RELL1: variants seen among roughly 807,000 people sequenced by gnomAD.
RELL1 encodes RELT like 1.
A neutral mutation model predicts 23.0 loss-of-function variants in RELL1; 10 were observed. The observed-to-expected ratio is 0.43, with a 90% CI of 0.27 to 0.74. The LOEUF (loss-of-function observed/expected upper bound fraction) is 0.74, where lower values mean the gene tolerates loss of function less well. RELL1 is among the 30% of genes least tolerant of loss of function. The pLI is 0.19. For synonymous variants in RELL1, 146 were observed against 146.8 expected (o/e 0.99, Z 0.04); for missense variants, 315 against 364.4 (o/e 0.86, Z 1.10).
intron 1 of RELL1, among the ~76,000 whole-genome samples, chr4:37,665,990 G>A (rs561246015): frequency 1.3e-5 from 2 of 152,262 alleles, no homozygotes; most frequent in Admixed American, 6.5e-5. Flanking sequence ...CCCAGCACCC[G>A]ACCAGGCAGA....
At chr4:37,606,098 CAAG>C (rs1415694986), downstream of RELL1, among the ~76,000 whole-genome samples, 9 of 115,270 alleles carry the variant, frequency 7.8e-5, no homozygotes, top group East Asian at 2.5e-4. This position sits in a 1 kb window ranked among gnomAD's most constrained non-coding sequence, Gnocchi z 4.1. Context: ...GGATGGAAGG[CAAG>C]AAGAAGGAGG....
chr4:37,631,527 A>AG lies in RELL1; in HGVS notation c.681-5dup, dbSNP rs753875561. ...CTCCACTTTTGTAACTCTAAATCTG[A>AG]GGGGGGAATGGGGAGAGGTGATGGG... On this transcript the variant is annotated splice_polypyrimidine_tract_variant and splice_region_variant and intron_variant, in intron 5 of 6. Transcript: ENST00000454158. 1.2e-6 allele frequency: 2 copies of AG among 1,613,334 alleles called. No individual in the cohort carries two copies. Among genetic ancestry groups the AG allele is most frequent in the Non-Finnish European group, 8.5e-7 (1 of 1,179,736 alleles).
chr4:37,596,731 TATA>T (rs1482203513), intron 6 of RELL1, among the ~76,000 whole-genome samples: 724 of 23,766 alleles, frequency 0.03, 21 homozygotes, highest in Non-Finnish European at 0.05. Context: ...TATATATATA[TATA>T]TATTTTTTTT....
downstream of RELL1, among the ~76,000 whole-genome samples, chr4:37,586,822 A>G (rs1428376198): frequency 6.6e-6 from 1 of 152,210 alleles, no homozygotes; most frequent in African/African-American, 2.4e-5. Flanking sequence ...AGGCAGGAGA[A>G]TCACTTGAAC....
chr4:37,622,006 C>T (rs1719784833), intron 6 of RELL1, among the ~76,000 whole-genome samples: 1 of 152,160 alleles, frequency 6.6e-6, no homozygotes, highest in African/African-American at 2.4e-5. Flanking sequence ...AGATCATGGC[C>T]ATAAATGTAC....
rs1719417845 is a variant in RELL1, at chr4:37,612,273, AT to A, written c.*1072del. ...ATTTGTGTGTGTGTGACTTTCAACC[AT>A]TTTCTCCTTTATTCAATGGATTAAC... On this transcript the variant is annotated 3_prime_UTR_variant, in exon 7 of 7. Coordinates refer to ENST00000454158, the MANE Select transcript of RELL1 (RefSeq NM_001085400.2). Among the ~76,000 whole-genome samples the A allele has an allele frequency of 6.9e-6, 1 of 145,314 alleles. No individual in the cohort carries two copies.
intron 6 of RELL1, among the ~76,000 whole-genome samples, chr4:37,594,863 T>C (rs1718774936): frequency 6.6e-6 from 1 of 152,168 alleles, no homozygotes; most frequent in Admixed American, 6.6e-5. Flanking sequence ...CAAGTGCAAG[T>C]GCAAAGATCT....
chr4:37,606,623 G>T (rs1719229489), downstream of RELL1, among the ~76,000 whole-genome samples: 1 of 152,222 alleles, frequency 6.6e-6, no homozygotes, highest in African/African-American at 2.4e-5. This position sits in a 1 kb window ranked among gnomAD's most constrained non-coding sequence, Gnocchi z 4.1. Flanking sequence ...TCAGAAGCTG[G>T]GAGGGAGGCA....
chr4:37,590,422 T>C (rs62299700), downstream of RELL1: 1,674 of 1,613,180 alleles, frequency 1.0e-3, 3 homozygotes, highest in Non-Finnish European at 1.3e-3. Flanking sequence ...CAGGGGCTCC[T>C]GGGCCAGTAC....
Position 37,625,717 on chromosome 4 carries a change from A to C in RELL1, c.*3+5668T>G, listed in dbSNP as rs28668072. Among the ~76,000 whole-genome samples the C allele has an allele frequency of 6.2e-3, 945 of 152,272 alleles. 10 individuals carry two copies. The highest frequency in any genetic ancestry group is 0.021 in the African/African-American group (880 of 41,548). ...CAATATGGTGGCTACAGTTAATAACAATGTATTGTATTCTTGAAAAATGCT... is the reference window on the plus strand; with the variant it reads ...CAATATGGTGGCTACAGTTAATAACCATGTATTGTATTCTTGAAAAATGCT... On this transcript the variant is annotated intron_variant, in intron 6 of 6. Transcript: ENST00000454158.
chr4:37,604,786 G>GACACACACAGAC (rs1719111026), intron 6 of RELL1, among the ~76,000 whole-genome samples: 2 of 52,694 alleles, frequency 3.8e-5, no homozygotes, highest in Admixed American at 2.0e-4. Flanking sequence ...GACACACACA[G>GACACACACAGAC]ACACACACAC....
In RELL1 at chr4:37,623,671, A is replaced by C. The variant is rs73807859; in HGVS notation, c.*3+7714T>G. ...TCACCTCCCTCCACCTCCACATTTC[A>C]GATGGACTCAGTGGGCTCAGTCTCC... On this transcript the variant is annotated intron_variant, in intron 6 of 6. Coordinates refer to ENST00000454158, the MANE Select transcript of RELL1 (RefSeq NM_001085400.2). 9.5e-3 allele frequency among the ~76,000 whole-genome samples: 1,445 copies of C among 152,258 alleles called. 22 individuals are homozygous for C. Among genetic ancestry groups the C allele is most frequent in the African/African-American group, 0.034 (1,392 of 41,526 alleles).
chr4:37,668,944 C>T (rs553694919), intron 1 of RELL1, among the ~76,000 whole-genome samples: 37 of 151,646 alleles, frequency 2.4e-4, no homozygotes, highest in South Asian at 4.2e-4. Flanking sequence ...GCCTGGCAAC[C>T]GCCCTGTCTG....
intron 1 of RELL1, among the ~76,000 whole-genome samples, chr4:37,676,916 C>A (rs938863233): frequency 6.6e-6 from 1 of 152,118 alleles, no homozygotes; most frequent in African/African-American, 2.4e-5. Flanking sequence ...CAATGGCGAA[C>A]AAGACATACA....
intron 1 of RELL1, among the ~76,000 whole-genome samples, chr4:37,668,031 GA>G (rs887962039): frequency 1.4e-4 from 21 of 149,668 alleles, no homozygotes; most frequent in South Asian, 6.4e-4. Context: ...GTTTTTATAA[GA>G]AAAAAAAAGA....
intron 6 of RELL1, among the ~76,000 whole-genome samples, chr4:37,599,221 C>T (rs949567314): frequency 4.6e-5 from 7 of 152,180 alleles, no homozygotes; most frequent in African/African-American, 9.7e-5. Context: ...TGCTGCCCAA[C>T]GTGCCGCAAG....
At chr4:37,677,180 C>A (rs1407588755) in intron 1 of RELL1, among the ~76,000 whole-genome samples, 1 of 152,212 alleles carries the variant, frequency 6.6e-6, no homozygotes, top group African/African-American at 2.4e-5. Flanking sequence ...AGCTGAGAAA[C>A]CAGGCCCTTG....
In RELL1 at chr4:37,590,978, A is replaced by G. The variant is rs1402951430; in HGVS notation, c.*243T>C. 1.9e-6 allele frequency: 3 copies of G among 1,612,636 alleles called. No homozygotes were observed. In the Admixed American group the frequency reaches 5.0e-5, roughly 27 times the overall value. On this transcript the variant is annotated 3_prime_UTR_variant, in exon 7 of 7. Coordinates refer to the RELL1 transcript ENST00000314117. ...GCTTTAGAAGCTGCTACTGCAGGAG[A>G]AGATTTGGATGAGACTGATTAGGGG...
intron 1 of RELL1, among the ~76,000 whole-genome samples, chr4:37,670,698 G>A (rs1018743413): frequency 5.3e-5 from 8 of 151,388 alleles, no homozygotes; most frequent in African/African-American, 1.9e-4. Context: ...AGCCTCCCAA[G>A]TAGCTGGGAC....
Sources: gnomAD v4.1 joint callset for allele counts (sites outside exome capture counted in the v4.1 genomes callset) on GRCh38, gnomAD v4.1.1 for gene constraint, Gnocchi (gnomAD v3.1) non-coding constraint, MANE v1.5 for transcripts, NCBI Gene and HGNC (gene_info 2026-07-23, HGNC 2026-07-21) for gene names.